The following BTC variants were observed in gnomAD, a reference collection of about 807,000 sequenced individuals.
BTC encodes betacellulin.
In BTC, 13 loss-of-function variants were observed where a neutral mutation model predicts 18.1. The ratio of observed to expected loss-of-function variants is 0.72; its 90% CI spans 0.47 to 1.14. The LOEUF (loss-of-function observed/expected upper bound fraction) is 1.14, where lower values mean the gene tolerates loss of function less well. BTC is among the 50% of genes most tolerant of loss of function. BTC has a pLI of 0.00. For synonymous variants in BTC, 83 were observed against 79.4 expected (o/e 1.05, Z -0.24); for missense variants, 247 against 224.2 (o/e 1.10, Z -0.65).
intron 3 of BTC, among the ~76,000 whole-genome samples, chr4:74,755,141 A>G (rs552796692): frequency 6.6e-5 from 10 of 152,318 alleles, no homozygotes; most frequent in African/African-American, 2.4e-4. Context: ...TACTTATGGA[A>G]AGAAAACTTA....
intron 2 of BTC, among the ~76,000 whole-genome samples, chr4:74,761,057 G>T (rs558182586): frequency 6.6e-6 from 1 of 151,906 alleles, no homozygotes; most frequent in African/African-American, 2.4e-5. Context: ...AACTAGGAGG[G>T]CCCTGCCAAC....
At chr4:74,749,391 A>G (rs545215035) in intron 4 of BTC, among the ~76,000 whole-genome samples, 223 of 146,936 alleles carry the variant, frequency 1.5e-3, no homozygotes, top group African/African-American at 5.1e-3. Flanking sequence ...CCCAGGAGGC[A>G]GAGGTTGCAG....
chr4:74,788,134 C>G (rs1318155577), intron 1 of BTC, among the ~76,000 whole-genome samples: 1 of 152,180 alleles, frequency 6.6e-6, no homozygotes, highest in Non-Finnish European at 1.5e-5. Flanking sequence ...CCTAGGATAT[C>G]CTGCAGAGAT....
intron 2 of BTC, among the ~76,000 whole-genome samples, chr4:74,769,461 T>C (rs903934485): frequency 4.6e-5 from 7 of 152,062 alleles, no homozygotes; most frequent in Non-Finnish European, 8.8e-5. Flanking sequence ...ACAGTGGCAG[T>C]GTTGAGTAGT....
chr4:74,794,348 G>T lies in BTC; in HGVS notation c.-23C>A. 1 of 1,537,542 alleles carries T rather than the reference G, an allele frequency of 6.5e-7. No individual in the cohort carries two copies. Among genetic ancestry groups the T allele is most frequent in the South Asian group, 1.2e-5 (1 of 83,184 alleles). On this transcript the variant is annotated 5_prime_UTR_variant, in exon 1 of 6. Coordinates refer to ENST00000395743, the MANE Select transcript of BTC (RefSeq NM_001729.4). ...CATCAACCCCGCTCTGCCGGGCCGG[G>T]CAGCCCCTAGACAAGTCTCCCTCCT... is the stretch of plus-strand genomic sequence containing the variant.
chr4:74,775,695 A>G (rs376300328), intron 1 of BTC, among the ~76,000 whole-genome samples: 15 of 152,290 alleles, frequency 9.8e-5, no homozygotes, highest in African/African-American at 3.6e-4. Flanking sequence ...CTACTTCTAA[A>G]GCTCCATAAA....
At chr4:74,788,101 T>A (rs1422261176) in intron 1 of BTC, among the ~76,000 whole-genome samples, 1 of 152,216 alleles carries the variant, frequency 6.6e-6, no homozygotes, top group Non-Finnish European at 1.5e-5. Flanking sequence ...TTGTCTAAAT[T>A]ACAAAACCCC....
chr4:74,770,009 A>G (rs777662924), intron 2 of BTC, 49 bp downstream of exon 2: 92 of 1,452,158 alleles, frequency 6.3e-5, no homozygotes, highest in Middle Eastern at 3.5e-4. Flanking sequence ...TACTATTATT[A>G]TCAGAAAATT....
Position 74,746,021 on chromosome 4 carries a change from C to T in BTC, c.*656G>A, listed in dbSNP as rs1553955443. ...CTGTGGGAAGACGGTCTTGACATCT[C>T]ACAATCATACCAAAACACAGTTCAG... is the stretch of plus-strand genomic sequence containing the variant. On this transcript the variant is annotated 3_prime_UTR_variant, in exon 6 of 6. Coordinates refer to ENST00000395743, the MANE Select transcript of BTC (RefSeq NM_001729.4). 1.3e-5 allele frequency: 2 copies of T among 152,166 alleles called. No individual in the cohort carries two copies. The highest frequency in any genetic ancestry group is 6.5e-5 in the Admixed American group (1 of 15,278). 9.4% of individuals were successfully genotyped at this position (152,166 alleles called of 1,614,324 possible).
intron 2 of BTC, among the ~76,000 whole-genome samples, chr4:74,760,865 G>C (rs1373940842): frequency 1.3e-5 from 2 of 151,960 alleles, no homozygotes; most frequent in African/African-American, 4.8e-5. Context: ...CTCCTGAGTA[G>C]CTGGGACTAC....
rs782345606 is a variant in BTC, at chr4:74,748,149, G to T, written c.429C>A (p.His143Gln). ...ILVIGVCTCCHPLRKRRKRKK... is the reference protein window; with the variant it reads ...ILVIGVCTCCQPLRKRRKRKK... ...TTCTTTTACGACGTTTCCGAAGAGG[G>T]CTTGGAAAATACGTGTTAGAAGTTA... The change falls in exon 5 of 6, where the codon CAC becomes CAA. Residue 143 changes from histidine to glutamine, a missense_variant and splice_region_variant. Transcript: ENST00000395743. 12 of 1,596,210 alleles carry T rather than the reference G, an allele frequency of 7.5e-6. No individual in the cohort carries two copies. Among genetic ancestry groups the T allele is most frequent in the Non-Finnish European group, 8.5e-6 (10 of 1,170,298 alleles).
At chr4:74,753,698 C>T (rs1724521879) in intron 3 of BTC, among the ~76,000 whole-genome samples, 1 of 152,120 alleles carries the variant, frequency 6.6e-6, no homozygotes, top group Admixed American at 6.5e-5. Flanking sequence ...TCACCTGAAA[C>T]ATCAGTCCTA....
At chr4:74,772,208 A>G (rs893271370) in intron 1 of BTC, among the ~76,000 whole-genome samples, 41 of 152,172 alleles carry the variant, frequency 2.7e-4, no homozygotes, top group African/African-American at 9.4e-4. Flanking sequence ...CCTTATTTGT[A>G]CTTTCTAATA....
chr4:74,787,650 A>G (rs764353117), intron 1 of BTC, among the ~76,000 whole-genome samples: 10 of 152,230 alleles, frequency 6.6e-5, no homozygotes, highest in Non-Finnish European at 1.5e-4. Flanking sequence ...ACTGCCTAAG[A>G]TCAATAAGCA....
Position 74,745,350 on chromosome 4 carries a change from T to A in BTC, c.*1327A>T, listed in dbSNP as rs1477834923. 1 of 152,210 alleles carries A rather than the reference T, an allele frequency of 6.6e-6. No individual in the cohort carries two copies. Among genetic ancestry groups the A allele is most frequent in the Non-Finnish European group, 1.5e-5 (1 of 68,032 alleles). 9.4% of individuals were successfully genotyped at this position (152,210 alleles called of 1,614,324 possible). On this transcript the variant is annotated 3_prime_UTR_variant, in exon 6 of 6. Transcript: ENST00000395743. Reference sequence around the variant, plus strand: ...CATTTGTCTGAATTCTCCACTTCACTATGGAATCTACATTGCAAAGTAAAA... The same window carrying A: ...CATTTGTCTGAATTCTCCACTTCACAATGGAATCTACATTGCAAAGTAAAA...
chr4:74,774,728 T>C (rs960456617), intron 1 of BTC, among the ~76,000 whole-genome samples: 1 of 152,142 alleles, frequency 6.6e-6, no homozygotes, highest in Non-Finnish European at 1.5e-5. Flanking sequence ...GGCAAGCACG[T>C]AGGCAACCAA....
At chr4:74,748,431 G>C (rs1457997619) in intron 4 of BTC, among the ~76,000 whole-genome samples, 1 of 151,984 alleles carries the variant, frequency 6.6e-6, no homozygotes, top group African/African-American at 2.4e-5. Flanking sequence ...AGCTACTCGG[G>C]AGGCTGAGGC....
At chr4:74,751,871 G>A (rs976007577) in intron 3 of BTC, among the ~76,000 whole-genome samples, 1 of 152,090 alleles carries the variant, frequency 6.6e-6, no homozygotes, top group African/African-American at 2.4e-5. Flanking sequence ...TTTTCCTTAA[G>A]AGAATGCTTC....
intron 1 of BTC, among the ~76,000 whole-genome samples, chr4:74,780,608 A>C (rs908017816): frequency 6.6e-6 from 1 of 152,140 alleles, no homozygotes; most frequent in Non-Finnish European, 1.5e-5. Flanking sequence ...TCATTTACCT[A>C]TTGTAGTTGT....
Sources: gnomAD v4.1 joint callset for allele counts (sites outside exome capture counted in the v4.1 genomes callset) on GRCh38, gnomAD v4.1.1 for gene constraint, MANE v1.5 for transcripts, NCBI Gene and HGNC (gene_info 2026-07-23, HGNC 2026-07-21) for gene names.